The following DRC11 variants were observed in gnomAD, a reference collection of about 807,000 sequenced individuals.
DRC11 encodes dynein regulatory complex subunit 11.
At chr2:236,333,440 G>A in the DRC11 span, 25,900 of 153,176 alleles carry the variant, frequency 0.17, 2,379 homozygotes, top group African/African-American at 0.22. The surrounding 1 kb of genome is among the most constrained non-coding windows in gnomAD (Gnocchi z 6.0). Flanking sequence ...CTTGAGATCT[G>A]GTGTGTCTTC....
the DRC11 span, among the ~76,000 whole-genome samples, chr2:236,423,607 T>G: frequency 6.6e-6 from 1 of 152,210 alleles, no homozygotes; most frequent in African/African-American, 2.4e-5. Flanking sequence ...TTGGTGGGAC[T>G]GTAAACTAGT....
At chr2:236,493,648 G>A in the DRC11 span, 1 of 765,016 alleles carries the variant, frequency 1.3e-6, no homozygotes, top group Non-Finnish European at 2.0e-6. Flanking sequence ...GTATAACGAG[G>A]GAGGGATCAT....
At chr2:236,450,108 A>C in the DRC11 span, among the ~76,000 whole-genome samples, 2 of 152,218 alleles carry the variant, frequency 1.3e-5, no homozygotes, top group Non-Finnish European at 2.9e-5. Context: ...GTAATTAAAT[A>C]AAACAATAGA....
the DRC11 span, among the ~76,000 whole-genome samples, chr2:236,401,466 C>A: frequency 6.6e-6 from 1 of 152,170 alleles, no homozygotes; most frequent in Non-Finnish European, 1.5e-5. The surrounding 1 kb of genome is among the most constrained non-coding windows in gnomAD (Gnocchi z 4.6). Context: ...TGGGGCCTGG[C>A]CACTTGGCCT....
the DRC11 span, among the ~76,000 whole-genome samples, chr2:236,356,971 ATATATTCATATATTATATATCTATATATT>A: frequency 4.2e-3 from 483 of 116,056 alleles, 17 homozygotes; most frequent in Middle Eastern, 0.014. Context: ...TATATATATT[ATATATTCATATATTATATATCTATATATT>A]TATATATTCA....
At chr2:236,485,979 T>A in the DRC11 span, among the ~76,000 whole-genome samples, 1 of 152,186 alleles carries the variant, frequency 6.6e-6, no homozygotes, top group Non-Finnish European at 1.5e-5. Flanking sequence ...TGAGTGTGGG[T>A]GGCCCCTATA....
chr2:236,399,516 T>A, the DRC11 span: 1 of 1,592,478 alleles, frequency 6.3e-7, no homozygotes, highest in Non-Finnish European at 8.6e-7. The surrounding 1 kb of genome is among the most constrained non-coding windows in gnomAD (Gnocchi z 7.0). Context: ...TTTTCGTTAA[T>A]CTCAGGCAAG....
the DRC11 span, among the ~76,000 whole-genome samples, chr2:236,359,396 G>A: frequency 3.3e-5 from 5 of 152,182 alleles, no homozygotes; most frequent in East Asian, 7.7e-4. The surrounding 1 kb of genome is among the most constrained non-coding windows in gnomAD (Gnocchi z 4.3). Context: ...GAAACAAATC[G>A]GAGACTCATT....
the DRC11 span, among the ~76,000 whole-genome samples, chr2:236,506,669 G>A: frequency 2.0e-5 from 3 of 152,192 alleles, no homozygotes; most frequent in Non-Finnish European, 2.9e-5. This position sits in a 1 kb window ranked among gnomAD's most constrained non-coding sequence, Gnocchi z 4.9. Flanking sequence ...GCTGTGAAGC[G>A]GTTAGAACAG....
At chr2:236,357,515 T>C in the DRC11 span, among the ~76,000 whole-genome samples, 5 of 127,164 alleles carry the variant, frequency 3.9e-5, no homozygotes, top group African/African-American at 1.3e-4. Context: ...ATATTATAAA[T>C]ATATTTATAT....
At chr2:236,483,918 T>C in the DRC11 span, among the ~76,000 whole-genome samples, 3 of 152,174 alleles carry the variant, frequency 2.0e-5, no homozygotes, top group African/African-American at 7.2e-5. This position sits in a 1 kb window ranked among gnomAD's most constrained non-coding sequence, Gnocchi z 4.8. Context: ...GAAGACTTAA[T>C]TAAAATATGG....
At chr2:236,430,962 A>G in the DRC11 span, among the ~76,000 whole-genome samples, 1 of 152,230 alleles carries the variant, frequency 6.6e-6, no homozygotes, top group Non-Finnish European at 1.5e-5. This position sits in a 1 kb window ranked among gnomAD's most constrained non-coding sequence, Gnocchi z 6.0. Context: ...TTTACTGGCT[A>G]TTAAGTCAGC....
At chr2:236,505,170 G>A in the DRC11 span, among the ~76,000 whole-genome samples, 2 of 152,232 alleles carry the variant, frequency 1.3e-5, no homozygotes, top group African/African-American at 4.8e-5. Flanking sequence ...CAGGAGGCTT[G>A]TGGATGAAGA....
At chr2:236,503,823 G>C in the DRC11 span, 4 of 860,656 alleles carry the variant, frequency 4.6e-6, no homozygotes, top group South Asian at 5.9e-5. This position sits in a 1 kb window ranked among gnomAD's most constrained non-coding sequence, Gnocchi z 4.9. Flanking sequence ...CCCACTTTGC[G>C]CTCAGCCCAT....
chr2:236,499,401 T>C, the DRC11 span, among the ~76,000 whole-genome samples: 2 of 152,068 alleles, frequency 1.3e-5, no homozygotes, highest in Admixed American at 1.3e-4. This position sits in a 1 kb window ranked among gnomAD's most constrained non-coding sequence, Gnocchi z 4.7. Flanking sequence ...CTCCATTCCC[T>C]CTCATCCATG....
At chr2:236,402,003 A>G in the DRC11 span, among the ~76,000 whole-genome samples, 5 of 152,360 alleles carry the variant, frequency 3.3e-5, no homozygotes, top group Admixed American at 1.3e-4. This position sits in a 1 kb window ranked among gnomAD's most constrained non-coding sequence, Gnocchi z 6.0. Context: ...GATACACATG[A>G]GAATACAACA....
At chr2:236,331,367 T>C in the DRC11 span, 1 of 1,610,838 alleles carries the variant, frequency 6.2e-7, no homozygotes, top group Non-Finnish European at 8.5e-7. The surrounding 1 kb of genome is among the most constrained non-coding windows in gnomAD (Gnocchi z 4.8). Context: ...ACCTTAAAGC[T>C]CTCTTCTTCC....
the DRC11 span, among the ~76,000 whole-genome samples, chr2:236,482,550 A>T: frequency 6.6e-6 from 1 of 152,224 alleles, no homozygotes; most frequent in African/African-American, 2.4e-5. The surrounding 1 kb of genome is among the most constrained non-coding windows in gnomAD (Gnocchi z 4.5). Flanking sequence ...TTATAATTTT[A>T]AAAACTTTTA....
chr2:236,439,825 C>G, the DRC11 span, among the ~76,000 whole-genome samples: 109 of 151,992 alleles, frequency 7.2e-4, no homozygotes, highest in African/African-American at 2.4e-3. Flanking sequence ...AATTTTATTT[C>G]CTTAAAAAAG....
Sources: allele counts gnomAD v4.1 joint callset (sites outside exome capture counted in the v4.1 genomes callset), GRCh38; gene constraint gnomAD v4.1.1; non-coding constraint Gnocchi (gnomAD v3.1); transcripts MANE v1.5; gene names NCBI Gene and HGNC (gene_info 2026-07-23, HGNC 2026-07-21).